Variants in TLE1 observed in about 807,000 individuals in gnomAD.
TLE1 encodes TLE family member 1, transcriptional corepressor, also known as transducin-like enhancer protein 1.
A neutral mutation model predicts 89.8 loss-of-function variants in TLE1; 21 were observed. The observed-to-expected ratio is 0.23, with a 90% confidence interval of 0.17 to 0.34. The LOEUF (loss-of-function observed/expected upper bound fraction) is 0.34. TLE1 is among the 10% of genes least tolerant of loss of function. The pLI, the probability that TLE1 is intolerant of heterozygous loss-of-function variation, is 1.00. For synonymous variants in TLE1, 447 were observed against 407.6 expected (o/e 1.10, Z -1.16); for missense variants, 795 against 1,031.2 (o/e 0.77, Z 3.14).
At chr9:81,667,886 G>A (rs889846484) in intron 4 of TLE1, among the ~76,000 whole-genome samples, 3 of 152,162 alleles carry the variant, frequency 2.0e-5, no homozygotes, top group Non-Finnish European at 4.4e-5. Flanking sequence ...ACTCAGACCC[G>A]GGCGTGATGG....
intron 6 of TLE1, among the ~76,000 whole-genome samples, chr9:81,640,123 G>A (rs1238135739): frequency 6.6e-6 from 1 of 152,082 alleles, no homozygotes; most frequent in African/African-American, 2.4e-5. Flanking sequence ...GCACAGGACA[G>A]CCCTCACCAC....
chr9:81,586,689 G>T (rs79932246), intron 17 of TLE1, among the ~76,000 whole-genome samples: 3 of 152,072 alleles, frequency 2.0e-5, no homozygotes, highest in Admixed American at 2.0e-4. Context: ...CAAGCTGAGC[G>T]ATGGGCATGT....
At chr9:81,610,419 C>T (rs1342378379) in intron 13 of TLE1, 123 bp from the exon 14 acceptor site, 1 of 721,630 alleles carries the variant, frequency 1.4e-6, no homozygotes, top group African/African-American at 1.8e-5. Context: ...AGTAACATGG[C>T]CTAGTGTTTT....
At chr9:81,626,527 T>G (rs11139346) in intron 8 of TLE1, among the ~76,000 whole-genome samples, 5 of 152,162 alleles carry the variant, frequency 3.3e-5, no homozygotes, top group African/African-American at 1.2e-4. Flanking sequence ...ATGGACAAAG[T>G]TGAAAATCTG....
chr9:81,633,701 A>G, intron 7 of TLE1: 1 of 489,392 alleles, frequency 2.0e-6, no homozygotes, highest in Non-Finnish European at 3.6e-6. Context: ...AAGTAGTAAC[A>G]GATGCAATTA....
At position 81,688,212 on chromosome 9, in the gene TLE1, C is replaced by A; in HGVS notation, c.24+5G>T. On this transcript the variant is annotated splice_donor_5th_base_variant and intron_variant, in intron 1 of 19. Coordinates refer to ENST00000376499, the MANE Select transcript of TLE1 (RefSeq NM_005077.5). Reference sequence around the variant, plus strand: ...GCCCCCCACCACCACCCAGCCGCGCCTCACCGGGTGCCGGCTCTGCGGGAA... The same window carrying A: ...GCCCCCCACCACCACCCAGCCGCGCATCACCGGGTGCCGGCTCTGCGGGAA... 6.3e-7 allele frequency: 1 copy of A among 1,598,140 alleles called. No individual in the cohort carries two copies. The highest frequency in any genetic ancestry group is 8.5e-7 in the Non-Finnish European group (1 of 1,172,272).
Position 81,666,325 on chromosome 9 carries a change from G to A in TLE1, c.235-12289C>T, listed in dbSNP as rs1831458780. ...AGCCTCTCCCTGGGCCACACCCCAAGCAAGCCTATACCTTTAAACCTCTTC... is the reference window on the plus strand; with the variant it reads ...AGCCTCTCCCTGGGCCACACCCCAAACAAGCCTATACCTTTAAACCTCTTC... On this transcript the variant is annotated intron_variant, in intron 4 of 19. Transcript: ENST00000376499. Among the ~76,000 whole-genome samples the A allele has an allele frequency of 3.9e-5, 6 of 152,246 alleles. No homozygotes were observed. In the South Asian group the frequency reaches 1.2e-3, roughly 32 times the overall value.
chr9:81,604,772 C>G (rs2131979889), intron 14 of TLE1, among the ~76,000 whole-genome samples: 1 of 152,270 alleles, frequency 6.6e-6, no homozygotes, highest in East Asian at 1.9e-4. Flanking sequence ...CATCCACCTG[C>G]ACATGGATCC....
At chr9:81,678,100 A>G (rs1188506432) in intron 4 of TLE1, among the ~76,000 whole-genome samples, 2 of 152,246 alleles carry the variant, frequency 1.3e-5, no homozygotes, top group African/African-American at 2.4e-5. Flanking sequence ...ACTAAAATAA[A>G]TAGCTGTTTT....
At chr9:81,638,909 G>T (rs990300571) in intron 6 of TLE1, among the ~76,000 whole-genome samples, 1 of 151,662 alleles carries the variant, frequency 6.6e-6, no homozygotes, top group Non-Finnish European at 1.5e-5. Flanking sequence ...ACAAGCGTGC[G>T]CCACCACACC....
At chr9:81,663,846 G>C (rs908581850) in intron 4 of TLE1, among the ~76,000 whole-genome samples, 1 of 151,746 alleles carries the variant, frequency 6.6e-6, no homozygotes, top group African/African-American at 2.4e-5. Context: ...GGATGGTCTC[G>C]ATCTTCTGAC....
intron 5 of TLE1, among the ~76,000 whole-genome samples, chr9:81,653,599 T>C (rs928099459): frequency 6.6e-6 from 1 of 152,210 alleles, no homozygotes. Flanking sequence ...TCTGCCTCCA[T>C]AGTAAAGTCT....
intron 4 of TLE1, among the ~76,000 whole-genome samples, chr9:81,661,455 C>A (rs1830786739): frequency 1.3e-5 from 2 of 151,934 alleles, no homozygotes; most frequent in African/African-American, 4.8e-5. Flanking sequence ...GGCCTCAAAG[C>A]AATCCAATGG....
Position 81,633,334 on chromosome 9 carries a change from G to GT in TLE1, c.594+13dup. ...GTGTGTGTGTGTGTGTGCAGCAGGC[G>GT]TTTGAGTACTTACTGTGCCCGGCTC... On this transcript the variant is annotated intron_variant, in intron 8 of 19. Transcript: ENST00000376499. The GT allele has an allele frequency of 6.2e-7, 1 of 1,604,582 alleles. No homozygotes were observed. The highest frequency in any genetic ancestry group is 8.5e-7 in the Non-Finnish European group (1 of 1,174,930).
intron 14 of TLE1, among the ~76,000 whole-genome samples, chr9:81,601,633 G>C (rs1176950109): frequency 3.3e-5 from 5 of 151,834 alleles, no homozygotes; most frequent in Non-Finnish European, 7.4e-5. Context: ...CTAAACTTTG[G>C]AATTTCTCTT....
intron 15 of TLE1, 22 bp from the exon 16 acceptor site, chr9:81,591,074 T>C (rs1449624916): frequency 3.7e-6 from 6 of 1,603,760 alleles, no homozygotes; most frequent in African/African-American, 1.3e-5. Flanking sequence ...ACATAATTCA[T>C]TGCTATAATG....
chr9:81,604,858 G>A (rs1831424953), intron 14 of TLE1, among the ~76,000 whole-genome samples: 1 of 152,030 alleles, frequency 6.6e-6, no homozygotes, highest in Non-Finnish European at 1.5e-5. Flanking sequence ...TCCTGCATGC[G>A]CTTCAGCTTC....
rs377175662 is a variant in TLE1 at position 81,584,149 on chromosome 9, G to A, written c.*49C>T. The A allele has an allele frequency of 1.0e-5, 15 of 1,490,742 alleles. 1 individual carries two copies. Among genetic ancestry groups the A allele is most frequent in the Middle Eastern group, 1.7e-4 (1 of 5,750 alleles). The allele number at this position is 1,490,742 out of a possible 1,614,324, so 92.3% of individuals were successfully genotyped here. On this transcript the variant is annotated 3_prime_UTR_variant, in exon 20 of 20. Transcript: ENST00000376499. The stretch of plus-strand genomic sequence containing the variant: ...ACAACTTTTCTATTTCTATAAATTC[G>A]AAACATTTTGGCCCAATTCAACTAT...
intron 14 of TLE1, among the ~76,000 whole-genome samples, chr9:81,605,063 A>G (rs1442157963): frequency 1.3e-5 from 2 of 152,212 alleles, no homozygotes; most frequent in African/African-American, 4.8e-5. Context: ...GGCATCGCAC[A>G]CAAAGCCTGA....
Sources: allele counts gnomAD v4.1 joint callset (sites outside exome capture counted in the v4.1 genomes callset), GRCh38; gene constraint gnomAD v4.1.1; transcripts MANE v1.5; gene names NCBI Gene and HGNC (gene_info 2026-07-23, HGNC 2026-07-21).